Variants in NUF2 observed in about 807,000 individuals in gnomAD.
The protein encoded by NUF2 is NUF2 component of NDC80 kinetochore complex, also known as kinetochore protein Nuf2.
Under a neutral mutation model 61.8 loss-of-function variants are expected in NUF2, and 34 were observed. The observed-to-expected ratio is 0.55, with a 90% confidence interval of 0.42 to 0.73. The LOEUF is 0.73. NUF2 is among the 30% of genes least tolerant of loss of function. NUF2 has a pLI of 0.00. For synonymous variants in NUF2, 172 were observed against 181.6 expected, an observed-to-expected ratio of 0.95 and a Z score of 0.42; for missense variants, 445 against 539.1, an observed-to-expected ratio of 0.83 and a Z score of 1.73.
chr1:163,327,769 G>C, intron 3 of NUF2: 2 of 502,248 alleles, frequency 4.0e-6, no homozygotes, highest in Non-Finnish European at 7.0e-6. Flanking sequence ...GATTTAGTAA[G>C]ATGAAAACCA....
intron 1 of NUF2, among the ~76,000 whole-genome samples, chr1:163,324,009 A>G (rs1016165665): frequency 6.6e-6 from 1 of 152,152 alleles, no homozygotes; most frequent in South Asian, 2.1e-4. Context: ...TAGACCAACC[A>G]TATCTGGAGT....
intron 7 of NUF2, 140 bp downstream of exon 7, chr1:163,338,233 T>A: frequency 2.4e-6 from 1 of 409,582 alleles, no homozygotes; most frequent in Non-Finnish European, 4.2e-6. Context: ...AGTTTGCCTT[T>A]TCTTAAAAAA....
chr1:163,326,164 C>T lies in NUF2; in HGVS notation c.113C>T (p.Pro38Leu), dbSNP rs766669864. Residue 38 changes from proline to leucine, a missense_variant, in exon 2 of 14, where the codon CCA (proline) becomes CTA (leucine). Transcript: ENST00000271452. The part of the protein sequence containing the change: ...GKNLTKNDLY[P>L]NPKPEVLHMI... The stretch of plus-strand genomic sequence containing the variant: ...AACCTCACCAAGAATGATCTTTATC[C>T]AAATCCAAAGGTAAAAGGTGGTTAC... 6.2e-7 allele frequency: 1 copy of T among 1,612,400 alleles called. No homozygotes were observed. Among genetic ancestry groups the T allele is most frequent in the Non-Finnish European group, 8.5e-7 (1 of 1,179,074 alleles).
At chr1:163,333,369 G>A (rs1410022972) in intron 5 of NUF2, among the ~76,000 whole-genome samples, 1 of 151,760 alleles carries the variant, frequency 6.6e-6, no homozygotes, top group African/African-American at 2.4e-5. Flanking sequence ...TCACTATCTC[G>A]GTCTTTTAAT....
chr1:163,337,956 C>A, intron 6 of NUF2, 64 bp from the exon 7 acceptor site: 1 of 1,233,902 alleles, frequency 8.1e-7, no homozygotes, highest in Admixed American at 1.7e-5. Flanking sequence ...TATGAGTAAA[C>A]ATTTTGGACA....
chr1:163,333,481 G>T (rs942572696), intron 5 of NUF2, among the ~76,000 whole-genome samples: 4 of 151,280 alleles, frequency 2.6e-5, no homozygotes, highest in African/African-American at 9.7e-5. Flanking sequence ...CTTTAGTCCT[G>T]TTTTCTCCAT....
intron 6 of NUF2, 98 bp downstream of exon 6, chr1:163,336,946 G>A: frequency 1.3e-6 from 1 of 751,650 alleles, no homozygotes; most frequent in Non-Finnish European, 2.3e-6. Flanking sequence ...ACAGCAAATT[G>A]CTGTATTGCC....
At position 163,348,988 on chromosome 1, in the gene NUF2, C is replaced by T. The variant is rs375173490; in HGVS notation, c.1168C>T (p.Arg390Ter). The T allele has an allele frequency of 4.2e-5, 67 of 1,610,498 alleles. No homozygotes were observed. The highest frequency in any genetic ancestry group is 5.3e-5 in the Non-Finnish European group (63 of 1,179,034). ...AGAAAAAAGAGGTGCTGTCTATGAA[C>T]GAGTAACCACAATTAATCAAGAAAT... ...VQEKRGAVYE[R>*]VTTINQEIQK... is the part of the protein sequence containing the mutation. The change falls in exon 13 of 14, where the codon CGA becomes TGA. Residue 390 changes from arginine (R) to a stop codon, truncating the protein, a stop_gained. Coordinates refer to ENST00000271452, the MANE Select transcript of NUF2 (RefSeq NM_145697.3). LOFTEE classifies it high-confidence loss of function.
chr1:163,349,215 C>T (rs1276629938), intron 13 of NUF2, 135 bp downstream of exon 13: 2 of 718,150 alleles, frequency 2.8e-6, no homozygotes, highest in East Asian at 5.7e-5. Context: ...ACTCTTTATT[C>T]TTGTTTTGAA....
rs1557950205 is a variant in NUF2 at position 163,336,744 on chromosome 1, A to G, written c.338-7A>G. The G allele has an allele frequency of 6.3e-7, 1 of 1,593,524 alleles. No individual in the cohort carries two copies. The highest frequency in any genetic ancestry group is 2.2e-5 in the East Asian group (1 of 44,650). ...GTTTATTTAAAGAGTCTTGCTTTCTATTTTAGAAGCAAAACGGACAAGTCG... is the reference window on the plus strand; with the variant it reads ...GTTTATTTAAAGAGTCTTGCTTTCTGTTTTAGAAGCAAAACGGACAAGTCG... On this transcript the variant is annotated splice_polypyrimidine_tract_variant and splice_region_variant and intron_variant, in intron 5 of 13. Coordinates refer to ENST00000271452, the MANE Select transcript of NUF2 (RefSeq NM_145697.3).
intron 5 of NUF2, among the ~76,000 whole-genome samples, chr1:163,330,056 C>T (rs1035068931): frequency 1.3e-5 from 2 of 152,094 alleles, no homozygotes; most frequent in Non-Finnish European, 2.9e-5. Context: ...TGAATAGGAT[C>T]CCTTTAGCAC....
intron 5 of NUF2, among the ~76,000 whole-genome samples, chr1:163,329,696 A>G (rs973773105): frequency 2.4e-4 from 36 of 152,300 alleles, no homozygotes; most frequent in Admixed American, 2.2e-3. Flanking sequence ...TAACTTTACA[A>G]TCCAGCAATC....
At chr1:163,347,655 C>T in intron 11 of NUF2, 108 bp from the exon 12 acceptor site, 3 of 825,608 alleles carry the variant, frequency 3.6e-6, no homozygotes, top group Admixed American at 3.4e-5. Flanking sequence ...AGTTTTGTCT[C>T]TTTTTAAATT....
chr1:163,328,134 G>T lies in NUF2; in HGVS notation c.199-94G>T. On this transcript the variant is annotated intron_variant, in intron 3 of 13. Coordinates refer to ENST00000271452, the MANE Select transcript of NUF2 (RefSeq NM_145697.3). Reference sequence around the variant, plus strand: ...TATGTATTAAGGTTTTTAATTTAATGATAGTGAGTTAATATATTTTGATCT... The same window carrying T: ...TATGTATTAAGGTTTTTAATTTAATTATAGTGAGTTAATATATTTTGATCT... 5.5e-6 allele frequency: 4 copies of T among 726,868 alleles called. No homozygotes were observed. The South Asian group carries it at 7.8e-5, about 14-fold the overall frequency. The allele number at this position is 726,868 out of a possible 1,614,324, so 45.0% of individuals were successfully genotyped here.
chr1:163,322,958 G>A (rs1255592980), intron 1 of NUF2: 1 of 152,188 alleles, frequency 6.6e-6, no homozygotes, highest in Non-Finnish European at 1.5e-5. Context: ...GATAGAATTT[G>A]GATATTGGAG....
intron 12 of NUF2, among the ~76,000 whole-genome samples, chr1:163,348,173 G>A (rs1056003117): frequency 6.6e-6 from 1 of 152,010 alleles, no homozygotes; most frequent in Non-Finnish European, 1.5e-5. Flanking sequence ...CAATTCCTTT[G>A]CATCATTCTT....
At chr1:163,338,508 T>A (rs1460547586) in intron 7 of NUF2, among the ~76,000 whole-genome samples, 1 of 152,086 alleles carries the variant, frequency 6.6e-6, no homozygotes. Flanking sequence ...ATAGGTTATG[T>A]AGGGAAAAGA....
chr1:163,330,962 T>G (rs1650577577), intron 5 of NUF2, among the ~76,000 whole-genome samples: 1 of 151,666 alleles, frequency 6.6e-6, no homozygotes, highest in African/African-American at 2.4e-5. Context: ...GGATTTTCCT[T>G]ATTGACAATT....
chr1:163,346,781 G>A (rs1398492824), intron 11 of NUF2, among the ~76,000 whole-genome samples: 1 of 152,132 alleles, frequency 6.6e-6, no homozygotes, highest in Non-Finnish European at 1.5e-5. Context: ...CTTGAGTCAA[G>A]ACTGCAGTGA....
Sources: gnomAD v4.1 joint callset for allele counts (sites outside exome capture counted in the v4.1 genomes callset) on GRCh38, gnomAD v4.1.1 for gene constraint, MANE v1.5 for transcripts, NCBI Gene and HGNC (gene_info 2026-07-23, HGNC 2026-07-21) for gene names.